The following TMEFF2 variants were observed in gnomAD, a reference collection of about 807,000 sequenced individuals.
TMEFF2 encodes tomoregulin-2.
TMEFF2 carries 28 observed loss-of-function variants against 53.8 expected under a neutral mutation model. That is an observed-to-expected ratio of 0.52 (90% confidence interval 0.39 to 0.71). The LOEUF is 0.71. Among genes scored for constraint, TMEFF2 ranks in the 30% least tolerant of loss-of-function variants. The pLI, the probability that TMEFF2 is intolerant of heterozygous loss-of-function variation, is 0.00. For missense variants in TMEFF2, 353 were observed against 455.2 expected (o/e 0.78, Z 2.04); for synonymous variants, 162 against 166.3 (o/e 0.97, Z 0.20).
intron 4 of TMEFF2, among the ~76,000 whole-genome samples, chr2:192,148,598 G>A (rs536799510): frequency 2.6e-5 from 4 of 152,102 alleles, no homozygotes; most frequent in African/African-American, 7.2e-5. Flanking sequence ...TTTACTCTTC[G>A]TTAATATTGA....
chr2:192,064,694 C>A (rs1348003780), intron 4 of TMEFF2, among the ~76,000 whole-genome samples: 3 of 151,844 alleles, frequency 2.0e-5, no homozygotes, highest in African/African-American at 7.2e-5. Context: ...AGTTTTCTGA[C>A]ATGCTTTTGC....
intron 7 of TMEFF2, among the ~76,000 whole-genome samples, chr2:191,992,352 GAATT>G (rs886949739): frequency 2.5e-4 from 38 of 152,002 alleles, no homozygotes; most frequent in Non-Finnish European, 2.9e-5. Context: ...CCACATGACT[GAATT>G]AATTCATTTT....
intron 4 of TMEFF2, among the ~76,000 whole-genome samples, chr2:192,165,470 T>C (rs1240042776): frequency 6.6e-6 from 1 of 152,130 alleles, no homozygotes; most frequent in African/African-American, 2.4e-5. Flanking sequence ...GATAGTTTAG[T>C]CTCTAGAGTG....
chr2:191,954,661 T>G (rs186465104), intron 8 of TMEFF2, among the ~76,000 whole-genome samples: 43 of 152,286 alleles, frequency 2.8e-4, no homozygotes, highest in Admixed American at 4.6e-4. Context: ...ATTAATTTTC[T>G]GGTCAAAAAA....
At chr2:192,132,974 G>A (rs1445356755) in intron 4 of TMEFF2, among the ~76,000 whole-genome samples, 14 of 152,032 alleles carry the variant, frequency 9.2e-5, no homozygotes, top group Admixed American at 3.3e-4. Flanking sequence ...AAGTAAGTCC[G>A]TCCCCTTAAT....
At chr2:192,052,546 G>A in intron 5 of TMEFF2, among the ~76,000 whole-genome samples, 1 of 152,180 alleles carries the variant, frequency 6.6e-6, no homozygotes, top group Admixed American at 6.5e-5. Flanking sequence ...AATATTTGCT[G>A]AAATCATAAG....
intron 4 of TMEFF2, among the ~76,000 whole-genome samples, chr2:192,133,603 C>T (rs563725720): frequency 1.3e-3 from 197 of 152,310 alleles, no homozygotes; most frequent in African/African-American, 4.3e-3. Flanking sequence ...TGGTGCCAAA[C>T]CCATATACTC....
rs375917128 is a variant in TMEFF2, at chr2:192,021,561, A to C, written c.537-22353T>G. 8.5e-4 allele frequency among the ~76,000 whole-genome samples: 130 copies of C among 152,284 alleles called. 5 individuals are homozygous for C. In the South Asian group the frequency reaches 0.024, roughly 29 times the overall value. On this transcript the variant is annotated intron_variant, in intron 5 of 9. Transcript: ENST00000272771. Reference sequence around the variant, plus strand: ...AGTAAACCTGAGAGCAATTTAAAGAATAACGTGGCTAGAACCAAAGTGGAA... The same window carrying C: ...AGTAAACCTGAGAGCAATTTAAAGACTAACGTGGCTAGAACCAAAGTGGAA...
At chr2:192,130,192 ATAATT>A (rs1354352909) in intron 4 of TMEFF2, among the ~76,000 whole-genome samples, 6 of 150,896 alleles carry the variant, frequency 4.0e-5, no homozygotes, top group Non-Finnish European at 7.4e-5. Flanking sequence ...CAAATATAAA[ATAATT>A]TAAACTAAAG....
At chr2:192,066,241 G>A (rs998757104) in intron 4 of TMEFF2, among the ~76,000 whole-genome samples, 1 of 151,682 alleles carries the variant, frequency 6.6e-6, no homozygotes, top group Non-Finnish European at 1.5e-5. Flanking sequence ...AATTAATACT[G>A]CATATGTATC....
rs1448257747 is a variant in TMEFF2, at chr2:192,194,198, C to A, written c.172+155G>T. On this transcript the variant is annotated intron_variant, in intron 1 of 9. Transcript: ENST00000272771. The surrounding 1 kb of genome is among the most constrained non-coding windows in gnomAD (Gnocchi z 4.2). Reference sequence around the variant, plus strand: ...CCTCACCCCCGGGCCTGCAACAGTTCCCCTTGTTTCTCTGGATAGAGGTGG... The same window carrying A: ...CCTCACCCCCGGGCCTGCAACAGTTACCCTTGTTTCTCTGGATAGAGGTGG... Among the ~76,000 whole-genome samples the A allele has an allele frequency of 6.6e-6, 1 of 152,140 alleles. No individual in the cohort carries two copies. The highest frequency in any genetic ancestry group is 2.4e-5 in the African/African-American group (1 of 41,424).
chr2:192,136,413 A>C (rs1040737106), intron 4 of TMEFF2, among the ~76,000 whole-genome samples: 28 of 152,196 alleles, frequency 1.8e-4, no homozygotes, highest in South Asian at 2.1e-4. Flanking sequence ...ATAAAATCTC[A>C]ACTCTAGGAC....
chr2:192,069,930 A>G (rs1688246924), intron 4 of TMEFF2, among the ~76,000 whole-genome samples: 1 of 133,332 alleles, frequency 7.5e-6, no homozygotes, highest in African/African-American at 2.6e-5. Flanking sequence ...ATTGGAAATT[A>G]ATCAATTTCC....
intron 4 of TMEFF2, among the ~76,000 whole-genome samples, chr2:192,067,846 G>C (rs1235359444): frequency 1.4e-4 from 21 of 151,770 alleles, no homozygotes; most frequent in Admixed American, 1.4e-3. Context: ...TTCCCATTCT[G>C]TCACCACGGT....
intron 4 of TMEFF2, among the ~76,000 whole-genome samples, chr2:192,123,321 T>C (rs1423562774): frequency 1.3e-5 from 2 of 152,208 alleles, no homozygotes; most frequent in Non-Finnish European, 2.9e-5. Context: ...CTACTTGTTT[T>C]GATAAATAAG....
chr2:192,132,152 TC>T (rs1004045013), intron 4 of TMEFF2, among the ~76,000 whole-genome samples: 1 of 152,156 alleles, frequency 6.6e-6, no homozygotes, highest in Non-Finnish European at 1.5e-5. Flanking sequence ...CCTCCGCTCC[TC>T]CACCCTGTAA....
chr2:192,023,077 G>A (rs1010810579), intron 5 of TMEFF2, among the ~76,000 whole-genome samples: 2 of 152,076 alleles, frequency 1.3e-5, no homozygotes, highest in African/African-American at 4.8e-5. Context: ...CAATATGCAA[G>A]TTGTACGGAT....
chr2:192,000,919 A>G (rs554165323), intron 5 of TMEFF2, among the ~76,000 whole-genome samples: 13 of 152,300 alleles, frequency 8.5e-5, no homozygotes, highest in East Asian at 3.9e-4. Flanking sequence ...TGATGTTGCC[A>G]TGTGATCACA....
At chr2:192,028,071 G>GGGC (rs1687017933) in intron 5 of TMEFF2, 3 of 84,422 alleles carry the variant, frequency 3.6e-5, no homozygotes, top group African/African-American at 5.0e-5. Context: ...GGGGGGGGGG[G>GGGC]TCTTTCTTGC....
Sources: gnomAD v4.1 joint callset for allele counts (sites outside exome capture counted in the v4.1 genomes callset) on GRCh38, gnomAD v4.1.1 for gene constraint, Gnocchi (gnomAD v3.1) non-coding constraint, MANE v1.5 for transcripts, NCBI Gene and HGNC (gene_info 2026-07-23, HGNC 2026-07-21) for gene names.